Variants in ACACA observed in about 807,000 individuals in gnomAD.
ACACA encodes the protein acetyl-CoA carboxylase alpha, also known as acetyl-CoA carboxylase 1.
Under a neutral mutation model 296.1 loss-of-function variants are expected in ACACA, and 103 were observed. The observed-to-expected ratio is 0.35, with a 90% CI of 0.30 to 0.41. The LOEUF (loss-of-function observed/expected upper bound fraction) is 0.41, where lower values mean the gene tolerates loss of function less well. ACACA is among the 10% of genes least tolerant of loss of function. The pLI is 1.00. For missense variants in ACACA, 1,554 were observed against 2,989.7 expected (o/e 0.52, Z 11.20); for synonymous variants, 953 against 1,038.6 (o/e 0.92, Z 1.58).
intron 48 of ACACA, among the ~76,000 whole-genome samples, chr17:37,123,738 G>A (rs1181749490): frequency 6.6e-6 from 1 of 152,114 alleles, no homozygotes; most frequent in Non-Finnish European, 1.5e-5. Context: ...ACCAGACAAC[G>A]AGCAGGAGAT....
At chr17:37,379,517 C>G in intron 1 of ACACA, 1 of 1,254,220 alleles carries the variant, frequency 8.0e-7, no homozygotes. Flanking sequence ...TGTTTTTTTT[C>G]TTGTAAATTT....
At position 37,328,807 on chromosome 17, in the gene ACACA, A is replaced by G. The variant is rs188186252; in HGVS notation, c.338+1366T>C. 1.5e-5 allele frequency: 6 copies of G among 398,408 alleles called. No individual in the cohort carries two copies. The Admixed American group carries it at 1.8e-4, about 12-fold the overall frequency. 24.7% of individuals were successfully genotyped at this position (398,408 alleles called of 1,614,324 possible). A position where few individuals can be genotyped will look rare whatever the true frequency, so the allele number is the denominator to read the frequency against. ...TATCTAGGGTACACCTATAATCTGA[A>G]TGCTGGCTGTACACAACAATCACCT... On this transcript the variant is annotated intron_variant, in intron 3 of 55. Transcript: ENST00000616317.
chr17:37,390,393 C>T (rs1342802567), intron 1 of ACACA, among the ~76,000 whole-genome samples: 1 of 127,232 alleles, frequency 7.9e-6, no homozygotes, highest in East Asian at 2.4e-4. Context: ...CGTTGGGAGG[C>T]CAAGGCAGGT....
intron 1 of ACACA, among the ~76,000 whole-genome samples, chr17:37,357,317 AC>A (rs1295510426): frequency 6.6e-6 from 1 of 152,144 alleles, no homozygotes; most frequent in Non-Finnish European, 1.5e-5. Flanking sequence ...ACATGGTGAA[AC>A]CCTGTCTCTA....
intron 38 of ACACA, among the ~76,000 whole-genome samples, chr17:37,189,674 G>A (rs766774266): frequency 6.6e-6 from 1 of 152,138 alleles, no homozygotes; most frequent in African/African-American, 2.4e-5. Context: ...CAGCTGTACA[G>A]TGTCCATGCC....
At chr17:37,146,566 C>T (rs1311279237) in intron 45 of ACACA, among the ~76,000 whole-genome samples, 1 of 150,128 alleles carries the variant, frequency 6.7e-6, no homozygotes, top group East Asian at 2.0e-4. Context: ...CTGCCTGGGG[C>T]TCCATGCTAT....
chr17:37,168,413 A>G (rs2076763698), intron 41 of ACACA, among the ~76,000 whole-genome samples: 1 of 152,158 alleles, frequency 6.6e-6, no homozygotes, highest in Non-Finnish European at 1.5e-5. Context: ...TTTATAAAAT[A>G]AAAAATAACT....
intron 11 of ACACA, among the ~76,000 whole-genome samples, chr17:37,260,766 AAAAG>A (rs993249227): frequency 5.3e-5 from 8 of 152,176 alleles, no homozygotes; most frequent in African/African-American, 1.7e-4. Context: ...AAAGAAAAAG[AAAAG>A]AAAGAATGAA....
intron 1 of ACACA, among the ~76,000 whole-genome samples, chr17:37,381,016 T>A (rs1167540624): frequency 6.6e-6 from 1 of 152,100 alleles, no homozygotes; most frequent in Middle Eastern, 3.4e-3. Flanking sequence ...CAGTTCTCTA[T>A]CCCTGATGGA....
rs112251396 is a variant in ACACA at position 37,196,713 on chromosome 17, A to G, written c.4159-3298T>C. Among the ~76,000 whole-genome samples, 428 of 152,296 alleles carry G rather than the reference A, an allele frequency of 2.8e-3. 2 individuals carry two copies. Among genetic ancestry groups the G allele is most frequent in the Non-Finnish European group, 5.1e-3 (349 of 68,010 alleles). ...CCAGACCTAAAATGTGAGTGAAACT[A>G]AGACAGAGTGAGTCAATAAGTTTTA... On this transcript the variant is annotated intron_variant, in intron 35 of 55. Coordinates refer to ENST00000616317, the MANE Select transcript of ACACA (RefSeq NM_198834.3).
rs112741819 is a variant in ACACA, at chr17:37,217,809, G to T, written c.3683+3915C>A. ...ATAATTTTTGGTCTGTACTAGGTAT[G>T]GTGGCACATGCCTGTAGTCCCAGCT... On this transcript the variant is annotated intron_variant, in intron 29 of 55. Coordinates refer to ENST00000616317, the MANE Select transcript of ACACA (RefSeq NM_198834.3). Among the ~76,000 whole-genome samples the T allele has an allele frequency of 5.0e-3, 745 of 149,242 alleles. 10 individuals are homozygous for T. Among genetic ancestry groups the T allele is most frequent in the African/African-American group, 0.017 (684 of 40,558 alleles).
Position 37,097,142 on chromosome 17 carries a change from G to A in ACACA, c.6745C>T (p.Arg2249Cys), listed in dbSNP as rs1165714087. ...ISDILDWKTS[R>C]TFFYWRLRRL... is the part of the protein sequence containing the mutation. Reference sequence around the variant, plus strand: ...CTCAGCCGCCAGTAGAAGAAGGTACGGGATGTTTTCCAATCCAGGATATCC... The same window carrying A: ...CTCAGCCGCCAGTAGAAGAAGGTACAGGATGTTTTCCAATCCAGGATATCC... Residue 2249 changes from arginine to cysteine, a missense_variant, in exon 54 of 56, where the codon CGT (arginine) becomes TGT (cysteine). By Grantham distance (180) the Arg-to-Cys change is radical. Transcript: ENST00000616317. The surrounding 1 kb of genome is among the most constrained non-coding windows in gnomAD (Gnocchi z 4.8). 6.2e-7 allele frequency: 1 copy of A among 1,613,846 alleles called. No homozygotes were observed.
chr17:37,205,710 A>G (rs1019987472), intron 33 of ACACA, 55 bp downstream of exon 33: 38 of 1,314,090 alleles, frequency 2.9e-5, no homozygotes, highest in Non-Finnish European at 4.0e-5. Flanking sequence ...GATAGCTATG[A>G]TACACAGCCA....
At chr17:37,162,647 A>T in intron 41 of ACACA, 1 of 287,806 alleles carries the variant, frequency 3.5e-6, no homozygotes, top group South Asian at 3.4e-5. Context: ...CAAGAGTACA[A>T]GGTGGTGGGT....
chr17:37,323,899 C>T (rs2047467019), intron 3 of ACACA, among the ~76,000 whole-genome samples: 1 of 152,200 alleles, frequency 6.6e-6, no homozygotes, highest in Non-Finnish European at 1.5e-5. Flanking sequence ...ATCCATACAA[C>T]TAGATGGCTC....
chr17:37,353,675 A>G (rs2049008452), intron 1 of ACACA, among the ~76,000 whole-genome samples: 1 of 145,760 alleles, frequency 6.9e-6, no homozygotes, highest in Non-Finnish European at 1.5e-5. Context: ...AGATAATTTT[A>G]CAGGAACTTC....
At chr17:37,221,973 A>G (rs1466562158) in intron 28 of ACACA, 131 bp from the exon 29 acceptor site, 13 of 741,574 alleles carry the variant, frequency 1.8e-5, no homozygotes, top group Non-Finnish European at 2.9e-5. Context: ...CCAAGGCCCT[A>G]TGTATACGTA....
intron 11 of ACACA, among the ~76,000 whole-genome samples, chr17:37,260,265 TA>T (rs2081396428): frequency 2.6e-4 from 5 of 19,094 alleles, no homozygotes; most frequent in South Asian, 2.3e-3. Context: ...TATATATATA[TA>T]TATATATATA....
intron 9 of ACACA, among the ~76,000 whole-genome samples, chr17:37,273,460 T>C (rs976707676): frequency 1.3e-5 from 2 of 152,242 alleles, no homozygotes; most frequent in African/African-American, 4.8e-5. Context: ...GTTCACTCCC[T>C]TGCTCCTCCC....
Sources: gnomAD v4.1 joint callset for allele counts (sites outside exome capture counted in the v4.1 genomes callset) on GRCh38, gnomAD v4.1.1 for gene constraint, Gnocchi (gnomAD v3.1) non-coding constraint, MANE v1.5 for transcripts, NCBI Gene and HGNC (gene_info 2026-07-23, HGNC 2026-07-21) for gene names.